PSIP1: variants seen among roughly 807,000 people sequenced by gnomAD.
PSIP1 encodes PC4 and SFRS1-interacting protein.
A neutral mutation model predicts 74.7 loss-of-function variants in PSIP1; 19 were observed. The observed-to-expected ratio is 0.25, with a 90% confidence interval of 0.18 to 0.37. The LOEUF is 0.37. Among genes scored for constraint, PSIP1 ranks in the 10% least tolerant of loss-of-function variants. The pLI is 1.00. For missense variants in PSIP1, 601 were observed against 614.3 expected (o/e 0.98, Z 0.23); for synonymous variants, 222 against 195.3 (o/e 1.14, Z -1.14).
rs1196061494 is a variant in PSIP1 at position 15,487,246 on chromosome 9, T to C, written c.289-315A>G. Among the ~76,000 whole-genome samples the C allele has an allele frequency of 7.3e-5, 11 of 151,722 alleles. No individual in the cohort carries two copies. In the East Asian group the frequency reaches 2.0e-3, roughly 27 times the overall value. On this transcript the variant is annotated intron_variant, in intron 4 of 15. Transcript: ENST00000380733. ...TATATGGTGACAAGGCTTGGCAATTTGGAGGATAAAAAAGACCATAAAGGT... is the reference window on the plus strand; with the variant it reads ...TATATGGTGACAAGGCTTGGCAATTCGGAGGATAAAAAAGACCATAAAGGT...
intron 6 of PSIP1, 194 bp downstream of exon 6, chr9:15,485,812 A>C (rs1236388164): frequency 4.6e-6 from 2 of 438,588 alleles, no homozygotes; most frequent in Non-Finnish European, 8.0e-6. Flanking sequence ...TTTACCACTC[A>C]AGTTACTTTA....
chr9:15,472,825 G>A (rs909242703), intron 9 of PSIP1, 75 bp from the exon 10 acceptor site: 91 of 1,373,474 alleles, frequency 6.6e-5, no homozygotes, highest in Non-Finnish European at 8.8e-5. Flanking sequence ...TAATCTTGGG[G>A]GAAAAGCAGC....
rs750485094 is a variant in PSIP1, at chr9:15,469,256, A to G, written c.1104+10T>C. The G allele has an allele frequency of 4.0e-6, 6 of 1,503,158 alleles. No individual in the cohort carries two copies. The South Asian group carries it at 6.0e-5, about 15-fold the overall frequency. 93.1% of individuals were successfully genotyped at this position (1,503,158 alleles called of 1,614,324 possible). A position where few individuals can be genotyped will look rare whatever the true frequency, so the allele number is the denominator to read the frequency against. The stretch of plus-strand genomic sequence containing the variant: ...CAGTACTGAAGTATTAAATGAAGTT[A>G]AACACTTACAAGATTATCAATTTTG... On this transcript the variant is annotated intron_variant, in intron 12 of 15. Coordinates refer to ENST00000380733, the MANE Select transcript of PSIP1 (RefSeq NM_033222.5).
intron 3 of PSIP1, among the ~76,000 whole-genome samples, chr9:15,494,865 C>T (rs1247228174): frequency 6.6e-6 from 1 of 152,124 alleles, no homozygotes; most frequent in African/African-American, 2.4e-5. Flanking sequence ...ACATTTAGCT[C>T]TAACAGTATA....
At chr9:15,485,338 A>T (rs2036514488) in intron 6 of PSIP1, among the ~76,000 whole-genome samples, 1 of 152,144 alleles carries the variant, frequency 6.6e-6, no homozygotes, top group South Asian at 2.1e-4. Context: ...CCTGTATTTT[A>T]AAATCTTGTT....
chr9:15,493,075 C>T (rs2036910382), intron 3 of PSIP1, among the ~76,000 whole-genome samples: 1 of 152,192 alleles, frequency 6.6e-6, no homozygotes, highest in African/African-American at 2.4e-5. Flanking sequence ...TGGCAGCCTG[C>T]TTGAATTTCT....
At position 15,506,651 on chromosome 9, in the gene PSIP1, G is replaced by A. The variant is rs2037602256; in HGVS notation, c.73-14C>T. On this transcript the variant is annotated splice_polypyrimidine_tract_variant and intron_variant, in intron 2 of 15. Coordinates refer to ENST00000380733, the MANE Select transcript of PSIP1 (RefSeq NM_033222.5). ...AACTTCGTCTACCTAAAAGAAAAGT[G>A]AGAAAAATTAAAATATTTTAAATCA... is the stretch of plus-strand genomic sequence containing the variant. 4 of 1,580,878 alleles carry A rather than the reference G, an allele frequency of 2.5e-6. No homozygotes were observed. The highest frequency in any genetic ancestry group is 2.2e-5 in the East Asian group (1 of 44,684).
chr9:15,487,089 T>G (rs186830654), intron 4 of PSIP1, among the ~76,000 whole-genome samples, 158 bp from the exon 5 acceptor site: 1 of 151,116 alleles, frequency 6.6e-6, no homozygotes, highest in African/African-American at 2.4e-5. Context: ...CCTCAATTCC[T>G]GGGCTCAAGG....
intron 3 of PSIP1, chr9:15,506,301 T>A: frequency 3.1e-6 from 1 of 323,234 alleles, no homozygotes; most frequent in African/African-American, 2.1e-5. Context: ...TTTCCTTATG[T>A]ATTTTCATCC....
At chr9:15,480,780 G>C (rs2036302186) in intron 6 of PSIP1, among the ~76,000 whole-genome samples, 1 of 152,102 alleles carries the variant, frequency 6.6e-6, no homozygotes, top group South Asian at 2.1e-4. Context: ...GATTAGCCAG[G>C]CTTGTGGCGC....
chr9:15,470,487 A>T, intron 10 of PSIP1: 1 of 713,920 alleles, frequency 1.4e-6, no homozygotes, highest in Non-Finnish European at 1.7e-6. Flanking sequence ...AACATTCACT[A>T]ACATTTCACA....
At chr9:15,485,868 TAA>T (rs1241092182) in intron 6 of PSIP1, 136 bp downstream of exon 6, 2 of 692,388 alleles carry the variant, frequency 2.9e-6, no homozygotes, top group Non-Finnish European at 4.7e-6. Context: ...TTTTGCCAAG[TAA>T]AACATAACCC....
chr9:15,473,037 A>G (rs889420660), intron 9 of PSIP1, among the ~76,000 whole-genome samples: 1 of 152,212 alleles, frequency 6.6e-6, no homozygotes, highest in African/African-American at 2.4e-5. Flanking sequence ...ATTTGACTTG[A>G]GTACTGACAA....
intron 9 of PSIP1, 122 bp from the exon 10 acceptor site, chr9:15,472,872 G>A: frequency 1.1e-6 from 1 of 872,344 alleles, no homozygotes; most frequent in East Asian, 2.6e-5. Flanking sequence ...ACTCAAATTA[G>A]CAACCTAAAA....
chr9:15,496,121 A>C (rs1383675366), intron 3 of PSIP1, among the ~76,000 whole-genome samples: 2 of 152,214 alleles, frequency 1.3e-5, no homozygotes, highest in Non-Finnish European at 1.5e-5. Flanking sequence ...GTGACATTAT[A>C]TGCACCTGTC....
Position 15,486,062 on chromosome 9 carries a change from T to C in PSIP1, c.400A>G (p.Thr134Ala). ...HEEKASNEDV[T>A]KAVDITTPKA... The stretch of plus-strand genomic sequence containing the variant: ...GGAGTAGTTATGTCAACTGCTTTAG[T>C]CACATCCTAAAAAAGAAAAAAGAAA... Residue 134 changes from threonine to alanine, a missense_variant, in exon 6 of 16, where the codon ACT becomes GCT. Thr to Ala is a moderately conservative substitution (Grantham distance 58). Coordinates refer to ENST00000380733, the MANE Select transcript of PSIP1 (RefSeq NM_033222.5). 2 of 1,602,734 alleles carry C rather than the reference T, an allele frequency of 1.2e-6. No homozygotes were observed. The highest frequency in any genetic ancestry group is 1.7e-6 in the Non-Finnish European group (2 of 1,173,108).
chr9:15,470,688 TAAC>T (rs1293545040), intron 10 of PSIP1: 15 of 936,636 alleles, frequency 1.6e-5, no homozygotes, highest in Non-Finnish European at 1.8e-5. Flanking sequence ...GTTTCATTCT[TAAC>T]AAGTCTACTA....
intron 3 of PSIP1, among the ~76,000 whole-genome samples, chr9:15,500,504 C>G (rs1297344630): frequency 2.0e-5 from 3 of 152,064 alleles, no homozygotes; most frequent in Non-Finnish European, 4.4e-5. Context: ...CAGTTCATCT[C>G]ATTATTTGGT....
intron 2 of PSIP1, among the ~76,000 whole-genome samples, chr9:15,507,833 A>G (rs1488585168): frequency 6.6e-6 from 1 of 152,194 alleles, no homozygotes; most frequent in East Asian, 1.9e-4. Flanking sequence ...CTGATTTGTG[A>G]GGGAAGTCTA....
Sources: allele counts gnomAD v4.1 joint callset (sites outside exome capture counted in the v4.1 genomes callset), GRCh38; gene constraint gnomAD v4.1.1; transcripts MANE v1.5; gene names NCBI Gene and HGNC (gene_info 2026-07-23, HGNC 2026-07-21).